LRRK2: variants seen among roughly 807,000 people sequenced by gnomAD.
LRRK2 encodes leucine-rich repeat serine/threonine-protein kinase 2.
LRRK2 carries 203 observed loss-of-function variants against 302.6 expected under a neutral mutation model. The ratio of observed to expected loss-of-function variants is 0.67; its 90% confidence interval spans 0.60 to 0.75. The LOEUF (loss-of-function observed/expected upper bound fraction) is 0.75. Among genes scored for constraint, LRRK2 ranks in the 30% least tolerant of loss-of-function variants. The probability of loss-of-function intolerance (pLI) is 0.00; values close to 1 mark genes in which losing one functional copy is unlikely to be tolerated. For synonymous variants in LRRK2, 1,066 were observed against 1,031.9 expected (o/e 1.03, Z -0.63); for missense variants, 2,830 against 2,951.0 (o/e 0.96, Z 0.95).
chr12:40,225,503 G>GGGTGCT, intron 1 of LRRK2, 52 bp from the exon 2 acceptor site: 1 of 1,473,748 alleles, frequency 6.8e-7, no homozygotes, highest in Middle Eastern at 1.7e-4. Context: ...AAAGGAGAGG[G>GGGTGCT]GGTGCTGTGG....
At chr12:40,229,990 A>T (rs1941101020) in intron 2 of LRRK2, among the ~76,000 whole-genome samples, 1 of 122,842 alleles carries the variant, frequency 8.1e-6, no homozygotes, top group African/African-American at 2.9e-5. Context: ...TTTTACCACC[A>T]GAAGCTGTTC....
At chr12:40,238,240 G>C (rs1941561555) in intron 5 of LRRK2, 137 bp downstream of exon 5, 1 of 875,864 alleles carries the variant, frequency 1.1e-6, no homozygotes, top group African/African-American at 1.7e-5. Context: ...TGTCTGTCAA[G>C]GGTGAGGAAT....
At chr12:40,245,976 T>G (rs924392440) in intron 7 of LRRK2, among the ~76,000 whole-genome samples, 4 of 151,980 alleles carry the variant, frequency 2.6e-5, no homozygotes, top group Admixed American at 1.3e-4. Context: ...GTCAGAATTA[T>G]TAATATAGTG....
chr12:40,283,439 A>G (rs1215268971), intron 18 of LRRK2, among the ~76,000 whole-genome samples: 4 of 152,208 alleles, frequency 2.6e-5, no homozygotes, highest in East Asian at 1.9e-4. Context: ...TACAATAGCT[A>G]TGTCCCCATT....
At chr12:40,361,731 AT>A (rs1946715178) in intron 47 of LRRK2, among the ~76,000 whole-genome samples, 1 of 152,104 alleles carries the variant, frequency 6.6e-6, no homozygotes, top group Non-Finnish European at 1.5e-5. Context: ...ACCTAGATGC[AT>A]AAACACTTAA....
intron 38 of LRRK2, among the ~76,000 whole-genome samples, chr12:40,326,572 T>C (rs1945559773): frequency 6.6e-6 from 1 of 152,128 alleles, no homozygotes; most frequent in African/African-American, 2.4e-5. Flanking sequence ...CTATGCTGCA[T>C]TGCAATTTTT....
chr12:40,298,998 T>C (rs1358309575), intron 24 of LRRK2, 111 bp from the exon 25 acceptor site: 6 of 978,124 alleles, frequency 6.1e-6, no homozygotes, highest in Non-Finnish European at 7.3e-6. Context: ...AATTTTTAAA[T>C]TAATGAGTCC....
At chr12:40,230,504 T>C (rs1238946696) in intron 2 of LRRK2, among the ~76,000 whole-genome samples, 9 of 152,198 alleles carry the variant, frequency 5.9e-5, no homozygotes, top group Admixed American at 4.6e-4. Flanking sequence ...TCCGTTCTTA[T>C]ACAATCTGGC....
intron 14 of LRRK2, among the ~76,000 whole-genome samples, chr12:40,264,866 A>G (rs533791589): frequency 7.2e-5 from 11 of 152,354 alleles, no homozygotes; most frequent in African/African-American, 2.6e-4. Flanking sequence ...GGTGGAATTA[A>G]GAAGTTTTGG....
intron 49 of LRRK2, chr12:40,365,772 T>C (rs1241663613): frequency 1.3e-5 from 2 of 151,994 alleles, no homozygotes; most frequent in Non-Finnish European, 2.9e-5. Context: ...GAAAATATAT[T>C]CATTGCAAGT....
intron 41 of LRRK2, 52 bp from the exon 42 acceptor site, chr12:40,346,701 T>C (rs1414738682): frequency 1.9e-6 from 3 of 1,549,274 alleles, no homozygotes; most frequent in East Asian, 4.5e-5. Flanking sequence ...CCTCCTTGGA[T>C]GTATGAGCCC....
At chr12:40,296,590 C>T (rs918249895) in intron 23 of LRRK2, among the ~76,000 whole-genome samples, 1 of 151,820 alleles carries the variant, frequency 6.6e-6, no homozygotes, top group Non-Finnish European at 1.5e-5. Flanking sequence ...CAAGATCGCA[C>T]CACTGTACTC....
intron 16 of LRRK2, among the ~76,000 whole-genome samples, chr12:40,276,073 CAAT>C (rs1943439845): frequency 6.6e-6 from 1 of 152,052 alleles, no homozygotes; most frequent in African/African-American, 2.4e-5. Flanking sequence ...TTAATAACAA[CAAT>C]GTGTTTTATA....
At chr12:40,266,573 C>CCA (rs1312023596) in intron 14 of LRRK2, among the ~76,000 whole-genome samples, 1 of 152,094 alleles carries the variant, frequency 6.6e-6, no homozygotes, top group African/African-American at 2.4e-5. Context: ...ACTAGTTCAA[C>CCA]CATTGTGGAA....
Position 40,298,338 on chromosome 12 carries a change from T to A in LRRK2, c.3192T>A (p.Asp1064Glu). Reference protein sequence around the residue: ...LLKMSCIANLDVSRNDIGPSV... With the variant: ...LLKMSCIANLEVSRNDIGPSV... ...AAATGAGTTGTATTGCTAATCTTGATGTCTCTCGAAATGACATTGGACCCT... is the reference window on the plus strand; with the variant it reads ...AAATGAGTTGTATTGCTAATCTTGAAGTCTCTCGAAATGACATTGGACCCT... The change falls in exon 24 of 51, where the codon GAT becomes GAA. Residue 1064 changes from aspartate to glutamate, a missense_variant. Transcript: ENST00000298910. The A allele has an allele frequency of 6.2e-7, 1 of 1,614,012 alleles. No homozygotes were observed. Among genetic ancestry groups the A allele is most frequent in the Non-Finnish European group, 8.5e-7 (1 of 1,179,972 alleles).
Position 40,251,564 on chromosome 12 carries a change from T to C in LRRK2, c.1181+20T>C, listed in dbSNP as rs908246228. On this transcript the variant is annotated intron_variant, in intron 10 of 50. Transcript: ENST00000298910. ...TGGCCAGTTAGTAGTTTTGATTTTA[T>C]ATGATAGAAAATTTCAGTTATATTT... is the stretch of plus-strand genomic sequence containing the variant. 2 of 1,582,376 alleles carry C rather than the reference T, an allele frequency of 1.3e-6. No homozygotes were observed. The highest frequency in any genetic ancestry group is 1.7e-6 in the Non-Finnish European group (2 of 1,155,948).
chr12:40,331,597 C>CA (rs11461395), intron 39 of LRRK2, among the ~76,000 whole-genome samples: 98,700 of 150,462 alleles, frequency 0.66, 32,371 homozygotes, highest in South Asian at 0.71. Context: ...AAAAAAATTA[C>CA]AAAAAAAAAA....
At position 40,309,355 on chromosome 12, in the gene LRRK2, T is replaced by C; in HGVS notation, c.4317+122T>C. 2.4e-6 allele frequency: 3 copies of C among 1,269,204 alleles called. No individual in the cohort carries two copies. The South Asian group carries it at 4.6e-5, about 19-fold the overall frequency. 78.6% of individuals were successfully genotyped at this position (1,269,204 alleles called of 1,614,324 possible). ...TGCTTCAGTCTCTTTAAATACTTTCTTAAAAGAAGCACTAAAATTTTGAAT... is the reference window on the plus strand; with the variant it reads ...TGCTTCAGTCTCTTTAAATACTTTCCTAAAAGAAGCACTAAAATTTTGAAT... On this transcript the variant is annotated intron_variant, in intron 30 of 50. Coordinates refer to ENST00000298910, the MANE Select transcript of LRRK2 (RefSeq NM_198578.4).
At position 40,321,195 on chromosome 12, in the gene LRRK2, A is replaced by G; in HGVS notation, c.5170+7A>G. The G allele has an allele frequency of 6.2e-7, 1 of 1,609,764 alleles. No homozygotes were observed. Among genetic ancestry groups the G allele is most frequent in the Non-Finnish European group, 8.5e-7 (1 of 1,176,894 alleles). ...TACATGCTTTCAGGGAGAGGTAAGT[A>G]TCTAATGAAGACTTATTAGATTTTT... On this transcript the variant is annotated splice_region_variant and intron_variant, in intron 35 of 50. Coordinates refer to ENST00000298910, the MANE Select transcript of LRRK2 (RefSeq NM_198578.4).
Sources: allele counts gnomAD v4.1 joint callset (sites outside exome capture counted in the v4.1 genomes callset), GRCh38; gene constraint gnomAD v4.1.1; transcripts MANE v1.5; gene names NCBI Gene and HGNC (gene_info 2026-07-23, HGNC 2026-07-21).